ZNF821: variants seen among roughly 807,000 people sequenced by gnomAD.
ZNF821 encodes the protein zinc finger protein 821.
ZNF821 carries 16 observed loss-of-function variants against 44.3 expected under a neutral mutation model. The ratio of observed to expected loss-of-function variants is 0.36; its 90% confidence interval spans 0.24 to 0.55. The LOEUF (loss-of-function observed/expected upper bound fraction) is 0.55. Among genes scored for constraint, ZNF821 ranks in the 20% least tolerant of loss-of-function variants. The probability of loss-of-function intolerance (pLI) is 0.86; values close to 1 mark genes in which losing one functional copy is unlikely to be tolerated. For synonymous variants in ZNF821, 204 were observed against 197.6 expected (o/e 1.03, Z -0.27); for missense variants, 436 against 547.6 (o/e 0.80, Z 2.03).
At chr16:71,869,908 A>G (rs1054392232) in intron 3 of ZNF821, among the ~76,000 whole-genome samples, 8 of 152,198 alleles carry the variant, frequency 5.3e-5, no homozygotes, top group African/African-American at 1.7e-4. Context: ...AAGTGTTGGA[A>G]TTACAGGTGT....
chr16:71,894,716 TGTAGCGATGCGG>T, intron 1 of ZNF821: 5 of 557,206 alleles, frequency 9.0e-6, no homozygotes, highest in Admixed American at 3.5e-5. Flanking sequence ...TTTTTTTTTT[TGTAGCGATGCGG>T]TTTCACTATG....
chr16:71,878,782 A>T (rs1390594377), intron 3 of ZNF821, among the ~76,000 whole-genome samples: 1 of 152,072 alleles, frequency 6.6e-6, no homozygotes, highest in Non-Finnish European at 1.5e-5. Flanking sequence ...ATACAAAAAA[A>T]TTAGCTGGGC....
intron 3 of ZNF821, among the ~76,000 whole-genome samples, chr16:71,879,326 CTT>C (rs1242806008): frequency 3.3e-5 from 5 of 152,102 alleles, no homozygotes; most frequent in African/African-American, 4.8e-5. Context: ...CTCCCTGCCT[CTT>C]GTTTTTTAAT....
intron 1 of ZNF821, chr16:71,883,611 C>T (rs948466187): frequency 1.3e-5 from 2 of 152,498 alleles, no homozygotes; most frequent in Non-Finnish European, 2.9e-5. Flanking sequence ...TGTCAGACGC[C>T]GGGGCCGTCC....
At chr16:71,884,358 C>G (rs891826280), upstream of ZNF821, among the ~76,000 whole-genome samples, 1 of 152,062 alleles carries the variant, frequency 6.6e-6, no homozygotes, top group African/African-American at 2.4e-5. Context: ...GAGGGGCTCG[C>G]CCGCGTTCCA....
At chr16:71,883,108 C>A (rs1373505385) in intron 2 of ZNF821, 103 bp downstream of exon 2, 4 of 456,316 alleles carry the variant, frequency 8.8e-6, no homozygotes, top group Admixed American at 2.4e-5. Flanking sequence ...TGTCTCTGCT[C>A]TCCCACAGGT....
intron 3 of ZNF821, among the ~76,000 whole-genome samples, chr16:71,876,780 G>A (rs190565236): frequency 1.1e-4 from 16 of 151,832 alleles, no homozygotes; most frequent in African/African-American, 3.9e-4. Flanking sequence ...GCTAATTTTT[G>A]TATTTTTGGT....
intron 7 of ZNF821, among the ~76,000 whole-genome samples, chr16:71,861,550 C>T (rs781247206): frequency 6.6e-6 from 1 of 152,228 alleles, no homozygotes; most frequent in Non-Finnish European, 1.5e-5. Context: ...GCCTACATCT[C>T]TTTCTAGTTG....
At chr16:71,886,079 A>G (rs2036844091), upstream of ZNF821, among the ~76,000 whole-genome samples, 1 of 152,232 alleles carries the variant, frequency 6.6e-6, no homozygotes. Context: ...TCTTGGATGC[A>G]TTATTATTAT....
chr16:71,883,078 G>C, intron 2 of ZNF821, 133 bp downstream of exon 2: 1 of 456,182 alleles, frequency 2.2e-6, no homozygotes, highest in Non-Finnish European at 4.4e-6. Context: ...TCGGGAAGGT[G>C]CAACGTCTCC....
upstream of ZNF821, among the ~76,000 whole-genome samples, chr16:71,888,440 T>C (rs548559573): frequency 3.9e-5 from 6 of 152,232 alleles, no homozygotes; most frequent in South Asian, 1.0e-3. Flanking sequence ...AGTTAGTTTT[T>C]GCATATGGTG....
chr16:71,875,753 C>T (rs1003084126), intron 3 of ZNF821, among the ~76,000 whole-genome samples: 8 of 152,254 alleles, frequency 5.3e-5, no homozygotes, highest in Admixed American at 2.6e-4. Context: ...TGAGCCACCA[C>T]GCCTGGCGCT....
chr16:71,874,265 G>A (rs2035564753), intron 3 of ZNF821, among the ~76,000 whole-genome samples: 1 of 151,830 alleles, frequency 6.6e-6, no homozygotes, highest in Non-Finnish European at 1.5e-5. Context: ...CCCGACCTGG[G>A]AATTCTTAAT....
At chr16:71,876,470 G>T (rs2035829813) in intron 3 of ZNF821, among the ~76,000 whole-genome samples, 1 of 152,186 alleles carries the variant, frequency 6.6e-6, no homozygotes, top group Non-Finnish European at 1.5e-5. Flanking sequence ...CTCCCAAAGT[G>T]CTGGGATTAC....
rs143324150 is a variant in ZNF821, at chr16:71,860,559, C to T, written c.698G>A (p.Gly233Glu). ...ACAGTTGTTGCACACAAGCAGAATT[C>T]CAGCAGGGTACACTGGAGGACTAAA... ...IAFSPPVYPA[G>E]ILLVCNNCAA... Residue 233 changes from glycine (G) to glutamate (E), a missense_variant, in exon 8 of 8, where the codon GGA becomes GAA. By Grantham distance (98) the Gly-to-Glu change is moderately conservative (BLOSUM62 -2). Around this residue, in one of 5 missense-constraint regions of ZNF821, gnomAD observed 3 missense variants for 19.0 expected, o/e 0.16. Transcript: ENST00000425432. This position sits in a 1 kb window ranked among gnomAD's most constrained non-coding sequence, Gnocchi z 7.3. 1 of 1,614,144 alleles carries T rather than the reference C, an allele frequency of 6.2e-7. No homozygotes were observed. The highest frequency in any genetic ancestry group is 8.5e-7 in the Non-Finnish European group (1 of 1,180,040).
Position 71,880,018 on chromosome 16 carries a change from G to T in ZNF821, c.-72C>A. On this transcript the variant is annotated 5_prime_UTR_variant, in exon 3 of 8. Transcript: ENST00000425432. ...ATATGTTACTACCTCCTTGCAAGAT[G>T]CTAACCTGCAATAAAAAAGGTTATT... 7.1e-7 allele frequency: 1 copy of T among 1,403,472 alleles called. No homozygotes were observed. The highest frequency in any genetic ancestry group is 9.9e-7 in the Non-Finnish European group (1 of 1,012,910). 86.9% of individuals were successfully genotyped at this position (1,403,472 alleles called of 1,614,324 possible). A position where few individuals can be genotyped will look rare whatever the true frequency, so the allele number is the denominator to read the frequency against.
chr16:71,874,187 C>G (rs906441624), intron 3 of ZNF821, among the ~76,000 whole-genome samples: 9 of 151,870 alleles, frequency 5.9e-5, no homozygotes, highest in Non-Finnish European at 1.2e-4. Flanking sequence ...GTCTTGAACT[C>G]CTGACCTCAG....
chr16:71,891,253 G>C (rs2036883785), intron 1 of ZNF821, among the ~76,000 whole-genome samples: 1 of 152,184 alleles, frequency 6.6e-6, no homozygotes, highest in South Asian at 2.1e-4. Flanking sequence ...CACAAAAAAA[G>C]TACCTGGTTA....
intron 3 of ZNF821, among the ~76,000 whole-genome samples, chr16:71,876,424 A>T (rs2035824421): frequency 1.3e-5 from 2 of 151,712 alleles, no homozygotes; most frequent in African/African-American, 4.8e-5. Context: ...GGCTGGTCTC[A>T]AACTCCTGAC....
Sources: allele counts gnomAD v4.1 joint callset (sites outside exome capture counted in the v4.1 genomes callset), GRCh38; gene constraint gnomAD v4.1.1; regional missense constraint gnomAD v4.1.1; non-coding constraint Gnocchi (gnomAD v3.1); transcripts MANE v1.5; gene names NCBI Gene and HGNC (gene_info 2026-07-23, HGNC 2026-07-21).